PID1: variants seen among roughly 807,000 people sequenced by gnomAD.
PID1 encodes phosphotyrosine interaction domain containing 1.
PID1 carries 10 observed loss-of-function variants against 19.1 expected under a neutral mutation model. The observed-to-expected ratio is 0.52, with a 90% confidence interval of 0.32 to 0.89. The LOEUF is 0.89. Ranked by LOEUF, PID1 falls within the 40% of genes least tolerant of loss-of-function variation. The probability of loss-of-function intolerance (pLI) is 0.03; values close to 1 mark genes in which losing one functional copy is unlikely to be tolerated. For missense variants in PID1, 248 were observed against 285.3 expected (o/e 0.87, Z 0.94); for synonymous variants, 130 against 116.0 (o/e 1.12, Z -0.78).
chr2:229,150,931 A>G (rs1239538786), intron 2 of PID1, among the ~76,000 whole-genome samples: 1 of 150,844 alleles, frequency 6.6e-6, no homozygotes, highest in East Asian at 2.0e-4. Context: ...TATTTTTAGT[A>G]CTTTCCTTAT....
chr2:229,135,041 G>GA (rs1689831462), intron 2 of PID1, among the ~76,000 whole-genome samples: 1 of 152,166 alleles, frequency 6.6e-6, no homozygotes, highest in Admixed American at 6.5e-5. Context: ...AAATAAGAGA[G>GA]AGAAGGCAAA....
intron 1 of PID1, among the ~76,000 whole-genome samples, chr2:229,223,414 G>A (rs1260220484): frequency 6.6e-6 from 1 of 151,954 alleles, no homozygotes; most frequent in Non-Finnish European, 1.5e-5. Context: ...TTATGCATTG[G>A]TTAAAACCTT....
At chr2:229,031,571 A>G (rs981447255) in intron 2 of PID1, among the ~76,000 whole-genome samples, 1 of 152,024 alleles carries the variant, frequency 6.6e-6, no homozygotes, top group Non-Finnish European at 1.5e-5. Flanking sequence ...AAAGAAAAGA[A>G]AAGGAAAGAA....
At chr2:229,266,039 A>T (rs1216445764) in intron 1 of PID1, among the ~76,000 whole-genome samples, 2 of 152,206 alleles carry the variant, frequency 1.3e-5, no homozygotes, top group African/African-American at 4.8e-5. Context: ...CAATGATGTA[A>T]GATAGCATTT....
At chr2:229,043,720 G>T (rs1045761435) in intron 2 of PID1, among the ~76,000 whole-genome samples, 1 of 152,166 alleles carries the variant, frequency 6.6e-6, no homozygotes, top group Non-Finnish European at 1.5e-5. Flanking sequence ...TACTAGCAGG[G>T]CAAAGCAGGC....
intron 1 of PID1, among the ~76,000 whole-genome samples, chr2:229,235,942 G>T (rs1430044627): frequency 1.3e-5 from 2 of 152,154 alleles, no homozygotes; most frequent in African/African-American, 4.8e-5. Context: ...GGCAAAGTTG[G>T]CAAAACATAT....
intron 2 of PID1, among the ~76,000 whole-genome samples, chr2:229,068,572 T>C (rs1694380521): frequency 6.6e-6 from 1 of 152,124 alleles, no homozygotes; most frequent in Non-Finnish European, 1.5e-5. Context: ...ATACAATGAG[T>C]ACATTCGTTG....
In PID1 at chr2:229,024,710, A is replaced by G. The variant is rs892267982; in HGVS notation, c.*922T>C. On this transcript the variant is annotated 3_prime_UTR_variant, in exon 3 of 3. Transcript: ENST00000392055. ...GACCATTAATTAAATAAGTTACCAT[A>G]AATCTCAGCTGGATAAAAGGAGAGT... is the stretch of plus-strand genomic sequence containing the variant. 2 of 152,660 alleles carry G rather than the reference A, an allele frequency of 1.3e-5. No homozygotes were observed. Among genetic ancestry groups the G allele is most frequent in the African/African-American group, 4.8e-5 (2 of 41,462 alleles). The allele number at this position is 152,660 out of a possible 1,614,324, so 9.5% of individuals were successfully genotyped here. A position where few individuals can be genotyped will look rare whatever the true frequency, so the allele number is the denominator to read the frequency against.
chr2:229,263,014 G>A, intron 1 of PID1: 2 of 933,386 alleles, frequency 2.1e-6, no homozygotes, highest in South Asian at 2.8e-5. Context: ...AGGTACCAGG[G>A]GTTAAGACTT....
chr2:229,229,405 G>A (rs1258417254), intron 1 of PID1, among the ~76,000 whole-genome samples: 1 of 152,120 alleles, frequency 6.6e-6, no homozygotes, highest in African/African-American at 2.4e-5. Flanking sequence ...AAAATAAAAT[G>A]TTTAAAAGCA....
At chr2:229,158,759 G>C (rs1035548631) in intron 1 of PID1, among the ~76,000 whole-genome samples, 1 of 152,158 alleles carries the variant, frequency 6.6e-6, no homozygotes, top group African/African-American at 2.4e-5. Context: ...CTTCGCCTCA[G>C]TAAAAACTGC....
chr2:229,232,077 G>T, intron 1 of PID1: 1 of 1,515,272 alleles, frequency 6.6e-7, no homozygotes, highest in Non-Finnish European at 8.8e-7. Context: ...CTTGTACAAG[G>T]CTTTTCATTC....
intron 1 of PID1, among the ~76,000 whole-genome samples, chr2:229,241,668 G>A (rs557515671): frequency 2.1e-4 from 32 of 152,166 alleles, no homozygotes; most frequent in African/African-American, 7.5e-4. Flanking sequence ...TGTAAATCAA[G>A]CTTTATTTTC....
At chr2:229,071,541 G>A (rs138132505) in intron 2 of PID1, among the ~76,000 whole-genome samples, 3 of 152,272 alleles carry the variant, frequency 2.0e-5, no homozygotes, top group Non-Finnish European at 2.9e-5. Flanking sequence ...AACAGATGGC[G>A]CCCAGCTGGC....
At chr2:229,100,929 A>C (rs2215604) in intron 2 of PID1, among the ~76,000 whole-genome samples, 19 of 152,246 alleles carry the variant, frequency 1.2e-4, no homozygotes, top group African/African-American at 4.1e-4. Context: ...GTCTCTTAAA[A>C]AACCCACTGA....
chr2:229,098,664 T>C (rs550325381), intron 2 of PID1, among the ~76,000 whole-genome samples: 19 of 152,256 alleles, frequency 1.2e-4, no homozygotes, highest in African/African-American at 4.3e-4. Flanking sequence ...TCTCAACCCA[T>C]TGTCTACTCC....
chr2:229,241,511 A>G (rs966697513), intron 1 of PID1, among the ~76,000 whole-genome samples: 1 of 152,168 alleles, frequency 6.6e-6, no homozygotes, highest in Non-Finnish European at 1.5e-5. Context: ...TGATTGTTGC[A>G]CAAATAAAAC....
At chr2:229,079,494 C>T (rs1694628813) in intron 2 of PID1, among the ~76,000 whole-genome samples, 1 of 152,210 alleles carries the variant, frequency 6.6e-6, no homozygotes, top group African/African-American at 2.4e-5. Flanking sequence ...GCTATACTAT[C>T]TGTCTTTCTA....
intron 2 of PID1, among the ~76,000 whole-genome samples, chr2:229,103,738 G>A (rs1298742603): frequency 5.3e-5 from 8 of 151,872 alleles, no homozygotes; most frequent in African/African-American, 1.5e-4. Flanking sequence ...CACCATGCCC[G>A]GCTAATTGTT....
Sources: allele counts gnomAD v4.1 joint callset (sites outside exome capture counted in the v4.1 genomes callset), GRCh38; gene constraint gnomAD v4.1.1; transcripts MANE v1.5; gene names NCBI Gene and HGNC (gene_info 2026-07-23, HGNC 2026-07-21).